PKIB: variants seen among roughly 807,000 people sequenced by gnomAD.
PKIB encodes the protein PKI-beta.
A neutral mutation model predicts 4.5 loss-of-function variants in PKIB; 2 were observed. That is an observed-to-expected ratio of 0.44 (90% CI 0.18 to 1.39). The LOEUF is 1.39. Ranked by LOEUF, PKIB falls within the 40% of genes most tolerant of loss-of-function variation. The pLI is 0.27. For missense variants in PKIB, 94 were observed against 92.6 expected (o/e 1.02, Z -0.06); for synonymous variants, 38 against 36.0 (o/e 1.06, Z -0.20).
At chr6:122,535,081 CCT>C (rs995772161) in intron 2 of PKIB, among the ~76,000 whole-genome samples, 1 of 151,560 alleles carries the variant, frequency 6.6e-6, no homozygotes, top group African/African-American at 2.4e-5. Context: ...CTCAGCCTGT[CCT>C]CTCTCTCTCT....
At chr6:122,686,182 G>T (rs1323490653) in intron 3 of PKIB, among the ~76,000 whole-genome samples, 2 of 152,146 alleles carry the variant, frequency 1.3e-5, no homozygotes, top group Non-Finnish European at 1.5e-5. Context: ...CAGTAGGATT[G>T]CTAGATCATA....
chr6:122,485,996 T>C (rs1261306986), intron 2 of PKIB, among the ~76,000 whole-genome samples: 1 of 152,214 alleles, frequency 6.6e-6, no homozygotes, highest in African/African-American at 2.4e-5. Context: ...TGTTTCTTTC[T>C]AGAAATAACA....
chr6:122,586,490 C>G (rs1265411471), intron 3 of PKIB, among the ~76,000 whole-genome samples: 2 of 152,074 alleles, frequency 1.3e-5, no homozygotes, highest in Non-Finnish European at 2.9e-5. Context: ...GCTACTACAA[C>G]TTCAAAGAGA....
At chr6:122,505,787 A>G (rs771194149) in intron 2 of PKIB, among the ~76,000 whole-genome samples, 4 of 152,178 alleles carry the variant, frequency 2.6e-5, no homozygotes, top group Non-Finnish European at 4.4e-5. Flanking sequence ...AATCAGAAGT[A>G]TTTTAATCAC....
intron 2 of PKIB, among the ~76,000 whole-genome samples, chr6:122,522,160 A>C (rs1582673777): frequency 6.6e-6 from 1 of 151,238 alleles, no homozygotes; most frequent in African/African-American, 2.4e-5. Flanking sequence ...AAAAAAAAAC[A>C]TAAAGCGAGA....
intron 2 of PKIB, among the ~76,000 whole-genome samples, chr6:122,510,504 A>C (rs1776551536): frequency 6.6e-6 from 1 of 152,134 alleles, no homozygotes; most frequent in Non-Finnish European, 1.5e-5. Flanking sequence ...GTAAAAAAGT[A>C]GTCTTTTAAA....
intron 3 of PKIB, among the ~76,000 whole-genome samples, chr6:122,692,583 A>G (rs1471287017): frequency 6.6e-6 from 1 of 152,174 alleles, no homozygotes; most frequent in Non-Finnish European, 1.5e-5. Context: ...CCTTCAGGGC[A>G]GTGGGCTCCC....
chr6:122,707,554 A>T (rs896686433), intron 3 of PKIB, among the ~76,000 whole-genome samples: 1 of 152,142 alleles, frequency 6.6e-6, no homozygotes, highest in African/African-American at 2.4e-5. Context: ...GATTAAAGAA[A>T]CATTTATAAG....
At chr6:122,705,362 A>G (rs370737643) in intron 3 of PKIB, among the ~76,000 whole-genome samples, 1 of 152,174 alleles carries the variant, frequency 6.6e-6, no homozygotes, top group African/African-American at 2.4e-5. Context: ...CAGAATTAAT[A>G]GCCATCAAGT....
intron 1 of PKIB, among the ~76,000 whole-genome samples, chr6:122,616,179 C>T (rs117374715): frequency 0.011 from 1,731 of 152,212 alleles, 14 homozygotes; most frequent in Non-Finnish European, 0.017. Context: ...GAAATGAGTT[C>T]CAGTCAGAGC....
intron 3 of PKIB, among the ~76,000 whole-genome samples, chr6:122,692,239 C>T (rs888536739): frequency 2.0e-5 from 3 of 152,214 alleles, no homozygotes; most frequent in African/African-American, 4.8e-5. Flanking sequence ...TACGATCAGC[C>T]AGTAGCAAAG....
At chr6:122,475,804 T>G (rs933832278) in intron 1 of PKIB, among the ~76,000 whole-genome samples, 4 of 151,798 alleles carry the variant, frequency 2.6e-5, no homozygotes, top group Non-Finnish European at 5.9e-5. Context: ...CAAGTAAAAA[T>G]AAATAATCAA....
At chr6:122,600,799 A>C (rs1402974320) in intron 3 of PKIB, among the ~76,000 whole-genome samples, 1 of 152,172 alleles carries the variant, frequency 6.6e-6, no homozygotes, top group Non-Finnish European at 1.5e-5. Context: ...GTAGGCATGC[A>C]GGGAAGCAGG....
chr6:122,685,442 A>G (rs1407073144), intron 3 of PKIB, among the ~76,000 whole-genome samples: 1 of 152,166 alleles, frequency 6.6e-6, no homozygotes. Context: ...ACTGCCTATA[A>G]AAAAAGAAAT....
chr6:122,666,057 G>T (rs1777209990), intron 2 of PKIB, among the ~76,000 whole-genome samples: 1 of 152,194 alleles, frequency 6.6e-6, no homozygotes, highest in African/African-American at 2.4e-5. Context: ...TGTGAGCCGA[G>T]TTTCCCCAAG....
intron 2 of PKIB, among the ~76,000 whole-genome samples, chr6:122,532,295 C>A (rs1582680509): frequency 6.6e-6 from 1 of 152,172 alleles, no homozygotes; most frequent in African/African-American, 2.4e-5. Flanking sequence ...AGTTCTCTAT[C>A]ACTCTTTTGT....
At chr6:122,519,424 C>A (rs1427200690) in intron 2 of PKIB, among the ~76,000 whole-genome samples, 1 of 152,096 alleles carries the variant, frequency 6.6e-6, no homozygotes, top group African/African-American at 2.4e-5. Flanking sequence ...ATGTAATGCA[C>A]TTGCATCATC....
chr6:122,721,341 GA>G (rs1340633177), intron 4 of PKIB, among the ~76,000 whole-genome samples: 1 of 151,898 alleles, frequency 6.6e-6, no homozygotes, highest in Non-Finnish European at 1.5e-5. Flanking sequence ...GTGTCACCCA[GA>G]AAAAAAGGGT....
At chr6:122,488,358 C>T (rs1055747179) in intron 2 of PKIB, among the ~76,000 whole-genome samples, 21 of 152,158 alleles carry the variant, frequency 1.4e-4, no homozygotes, top group African/African-American at 4.1e-4. Context: ...ATTTGGCAAA[C>T]GGGGAAACCC....
Sources: allele counts gnomAD v4.1 joint callset (sites outside exome capture counted in the v4.1 genomes callset), GRCh38; gene constraint gnomAD v4.1.1; transcripts MANE v1.5; gene names NCBI Gene and HGNC (gene_info 2026-07-23, HGNC 2026-07-21).